EFNA5: variants seen among roughly 807,000 people sequenced by gnomAD.
EFNA5 encodes ephrin A5, also known as ephrin-A5.
In EFNA5, 5 loss-of-function variants were observed where a neutral mutation model predicts 22.9. That is an observed-to-expected ratio of 0.22 (90% CI 0.11 to 0.46). EFNA5 has a LOEUF of 0.46. Among genes scored for constraint, EFNA5 ranks in the 20% least tolerant of loss-of-function variants. The pLI, the probability that EFNA5 is intolerant of heterozygous loss-of-function variation, is 0.99. For synonymous variants in EFNA5, 113 were observed against 112.2 expected (o/e 1.01, Z -0.04); for missense variants, 237 against 293.3 (o/e 0.81, Z 1.40).
chr5:107,568,172 C>A (rs1282015060), intron 1 of EFNA5, among the ~76,000 whole-genome samples: 1 of 152,274 alleles, frequency 6.6e-6, no homozygotes, highest in East Asian at 1.9e-4. Flanking sequence ...GCTGAGATTA[C>A]AAGTGTGAGC....
intron 2 of EFNA5, among the ~76,000 whole-genome samples, chr5:107,416,248 A>G (rs1437663097): frequency 6.6e-6 from 1 of 152,236 alleles, no homozygotes; most frequent in Non-Finnish European, 1.5e-5. Flanking sequence ...TGTCTTGAGA[A>G]CAGGGTCTAC....
chr5:107,512,364 AAACAACAAC>A (rs138250906), intron 1 of EFNA5, among the ~76,000 whole-genome samples: 391 of 149,492 alleles, frequency 2.6e-3, no homozygotes, highest in African/African-American at 8.8e-3. Flanking sequence ...AAAACAAACA[AAACAACAAC>A]AACAACAACA....
chr5:107,665,331 G>C (rs1751044228), intron 1 of EFNA5, among the ~76,000 whole-genome samples: 1 of 152,148 alleles, frequency 6.6e-6, no homozygotes, highest in African/African-American at 2.4e-5. Flanking sequence ...TGTTCAGAAG[G>C]TATTCTGCAA....
intron 2 of EFNA5, among the ~76,000 whole-genome samples, chr5:107,395,247 C>A (rs1210002069): frequency 6.6e-6 from 1 of 151,866 alleles, no homozygotes; most frequent in African/African-American, 2.4e-5. Flanking sequence ...CCATGTTGGC[C>A]AGGCTGGTCT....
At chr5:107,395,052 T>TTTTTTTTTTC (rs1554056358) in intron 2 of EFNA5, among the ~76,000 whole-genome samples, 4 of 144,196 alleles carry the variant, frequency 2.8e-5, no homozygotes, top group Non-Finnish European at 3.0e-5. Context: ...TTTTTTTTTT[T>TTTTTTTTTTC]CCGCGAGACA....
chr5:107,489,493 A>G (rs1381152009), intron 1 of EFNA5, among the ~76,000 whole-genome samples: 1 of 152,150 alleles, frequency 6.6e-6, no homozygotes, highest in Non-Finnish European at 1.5e-5. Context: ...AATTTAAACC[A>G]AACTTAACAG....
chr5:107,500,162 G>C (rs1747098945), intron 1 of EFNA5, among the ~76,000 whole-genome samples: 1 of 152,170 alleles, frequency 6.6e-6, no homozygotes, highest in Non-Finnish European at 1.5e-5. Context: ...CATTGTGAGA[G>C]ACCAATGCAA....
intron 1 of EFNA5, among the ~76,000 whole-genome samples, chr5:107,520,786 G>T (rs937573077): frequency 1.3e-5 from 2 of 152,262 alleles, no homozygotes; most frequent in East Asian, 3.9e-4. Context: ...GAGTGAATGG[G>T]TAGTAATCAC....
chr5:107,658,026 G>A (rs1234781201), intron 1 of EFNA5, among the ~76,000 whole-genome samples: 2 of 152,116 alleles, frequency 1.3e-5, no homozygotes, highest in African/African-American at 4.8e-5. Context: ...AGGAGCAAAA[G>A]TTTCTCACTA....
intron 1 of EFNA5, among the ~76,000 whole-genome samples, chr5:107,450,599 T>A (rs1561391652): frequency 6.6e-6 from 1 of 152,214 alleles, no homozygotes; most frequent in Non-Finnish European, 1.5e-5. Context: ...GATAAAAGCA[T>A]GAAACACTGA....
At chr5:107,627,883 T>C (rs1348447610) in intron 1 of EFNA5, among the ~76,000 whole-genome samples, 1 of 152,168 alleles carries the variant, frequency 6.6e-6, no homozygotes, top group African/African-American at 2.4e-5. Context: ...ATGAAATACA[T>C]TTATTATCTC....
rs931007416 is a variant in EFNA5, at chr5:107,464,740, A to G, written c.126-37231T>C. The stretch of plus-strand genomic sequence containing the variant: ...GCTCAAATTAACTACCAGTCCCCAA[A>G]TAGCTAACCCTCACTTATCACACAG... On this transcript the variant is annotated intron_variant, in intron 1 of 4. Coordinates refer to ENST00000333274, the MANE Select transcript of EFNA5 (RefSeq NM_001962.3). Among the ~76,000 whole-genome samples the G allele has an allele frequency of 2.0e-5, 3 of 152,296 alleles. No individual in the cohort carries two copies. The South Asian group carries it at 6.2e-4, about 32-fold the overall frequency.
At chr5:107,528,457 A>G (rs1747743676) in intron 1 of EFNA5, among the ~76,000 whole-genome samples, 1 of 152,226 alleles carries the variant, frequency 6.6e-6, no homozygotes, top group Admixed American at 6.5e-5. Context: ...TAAAAAAGGT[A>G]AAATTCAGAA....
intron 1 of EFNA5, among the ~76,000 whole-genome samples, chr5:107,524,755 A>G (rs547844433): frequency 6.6e-6 from 1 of 152,326 alleles, no homozygotes; most frequent in South Asian, 2.1e-4. Context: ...CAGAAAACCC[A>G]GAAGTGCAGA....
Position 107,663,079 on chromosome 5 carries a change from A to G in EFNA5, c.125+7410T>C, listed in dbSNP as rs150774663. On this transcript the variant is annotated intron_variant, in intron 1 of 4. Coordinates refer to ENST00000333274, the MANE Select transcript of EFNA5 (RefSeq NM_001962.3). ...AGATAGCATTTTAGTAAGTTCGCAA[A>G]TAAGATAGCGCTTTAAATGTAGAGA... is the stretch of plus-strand genomic sequence containing the variant. Among the ~76,000 whole-genome samples the G allele has an allele frequency of 1.4e-3, 212 of 152,216 alleles. 1 individual carries two copies. The highest frequency in any genetic ancestry group is 4.5e-3 in the African/African-American group (187 of 41,558).
chr5:107,569,184 T>C (rs1332467181), intron 1 of EFNA5, among the ~76,000 whole-genome samples: 1 of 151,774 alleles, frequency 6.6e-6, no homozygotes, highest in Non-Finnish European at 1.5e-5. Flanking sequence ...TGGGGGTGAA[T>C]GTTCACCTTC....
intron 1 of EFNA5, among the ~76,000 whole-genome samples, chr5:107,639,979 A>G (rs961741639): frequency 6.6e-6 from 1 of 152,240 alleles, no homozygotes; most frequent in Non-Finnish European, 1.5e-5. Flanking sequence ...CACTTATGAA[A>G]AACTGAAAAC....
At chr5:107,587,458 A>G (rs1329825147) in intron 1 of EFNA5, among the ~76,000 whole-genome samples, 1 of 152,230 alleles carries the variant, frequency 6.6e-6, no homozygotes, top group Non-Finnish European at 1.5e-5. Flanking sequence ...TATATGTAAC[A>G]GTTATCATGC....
intron 1 of EFNA5, among the ~76,000 whole-genome samples, chr5:107,472,597 G>C (rs527371416): frequency 1.3e-4 from 20 of 152,314 alleles, no homozygotes; most frequent in Middle Eastern, 3.4e-3. Flanking sequence ...TTGCCCAAAG[G>C]ACATTAGCAA....
Sources: allele counts gnomAD v4.1 joint callset (sites outside exome capture counted in the v4.1 genomes callset), GRCh38; gene constraint gnomAD v4.1.1; transcripts MANE v1.5; gene names NCBI Gene and HGNC (gene_info 2026-07-23, HGNC 2026-07-21).